The following L3MBTL4 variants were observed in gnomAD, a reference collection of about 807,000 sequenced individuals.
L3MBTL4 encodes lethal(3)malignant brain tumor-like protein 4.
In L3MBTL4, 70 loss-of-function variants were observed where a neutral mutation model predicts 84.5. The observed-to-expected ratio is 0.83, with a 90% CI of 0.68 to 1.01. The LOEUF (loss-of-function observed/expected upper bound fraction) is 1.01, where lower values mean the gene tolerates loss of function less well. Ranked by LOEUF, L3MBTL4 falls within the 50% of genes least tolerant of loss-of-function variation. The pLI, the probability that L3MBTL4 is intolerant of heterozygous loss-of-function variation, is 0.00. For synonymous variants in L3MBTL4, 274 were observed against 259.8 expected, an observed-to-expected ratio of 1.05 and a Z score of -0.52; for missense variants, 715 against 754.8, an observed-to-expected ratio of 0.95 and a Z score of 0.62.
intron 16 of L3MBTL4, among the ~76,000 whole-genome samples, chr18:6,039,291 G>A (rs1156743308): frequency 6.6e-6 from 1 of 152,076 alleles, no homozygotes; most frequent in Non-Finnish European, 1.5e-5. Flanking sequence ...AGGATTGCCT[G>A]TGATTAAAAC....
intron 12 of L3MBTL4, among the ~76,000 whole-genome samples, chr18:6,181,401 C>T (rs1212126063): frequency 6.6e-6 from 1 of 152,036 alleles, no homozygotes; most frequent in African/African-American, 2.4e-5. Flanking sequence ...TCTCAGCTCA[C>T]TGCAACCTCT....
chr18:6,184,547 T>C (rs1413342329), intron 12 of L3MBTL4, among the ~76,000 whole-genome samples: 2 of 152,252 alleles, frequency 1.3e-5, no homozygotes, highest in African/African-American at 4.8e-5. Context: ...ATTACCAACA[T>C]TGTTATTCAA....
rs551597611 is a variant in L3MBTL4, at chr18:6,323,277, C to CT, written c.-90-11222dup. Among the ~76,000 whole-genome samples the CT allele has an allele frequency of 3.4e-4, 52 of 152,168 alleles. No homozygotes were observed. In the Middle Eastern group the frequency reaches 0.024, roughly 70 times the overall value. On this transcript the variant is annotated intron_variant, in intron 1 of 18. Coordinates refer to ENST00000317931, the MANE Select transcript of L3MBTL4 (RefSeq NM_001330559.2). ...ATTCATACCAAGGAGTGGAGCATTG[C>CT]TATAGAGATACCTGAAAATGTGGAA...
intron 5 of L3MBTL4, among the ~76,000 whole-genome samples, chr18:6,261,841 G>T (rs1161116452): frequency 6.6e-6 from 1 of 152,174 alleles, no homozygotes; most frequent in Non-Finnish European, 1.5e-5. Context: ...GCTGAGATGT[G>T]GGGCAACACA....
chr18:6,384,433 G>A (rs1006462977), intron 1 of L3MBTL4, among the ~76,000 whole-genome samples: 7 of 152,108 alleles, frequency 4.6e-5, no homozygotes, highest in African/African-American at 1.7e-4. Context: ...GGAGAGTAAC[G>A]GGGTAGCCAG....
chr18:6,219,425 C>A, intron 10 of L3MBTL4, among the ~76,000 whole-genome samples: 1 of 149,416 alleles, frequency 6.7e-6, no homozygotes, highest in Non-Finnish European at 1.5e-5. Context: ...TCATTCCATG[C>A]CATTTTGAGT....
At chr18:6,196,892 T>A (rs921845395) in intron 12 of L3MBTL4, among the ~76,000 whole-genome samples, 21 of 152,248 alleles carry the variant, frequency 1.4e-4, no homozygotes, top group African/African-American at 5.1e-4. Flanking sequence ...CCTTTCCTTT[T>A]CAGGCTAGGT....
chr18:6,070,482 A>C (rs28377630), intron 16 of L3MBTL4, among the ~76,000 whole-genome samples: 1 of 151,170 alleles, frequency 6.6e-6, no homozygotes, highest in African/African-American at 2.5e-5. Flanking sequence ...GGGTGAAAAA[A>C]GGATATTTCT....
intron 1 of L3MBTL4, among the ~76,000 whole-genome samples, chr18:6,332,335 G>T (rs751138649): frequency 6.6e-6 from 1 of 152,090 alleles, no homozygotes; most frequent in Non-Finnish European, 1.5e-5. Context: ...GCTGCTCATA[G>T]AATACAATGC....
At position 5,991,487 on chromosome 18, in the gene L3MBTL4, G is replaced by A. The variant is rs117426912; in HGVS notation, c.1445-21925C>T. Among the ~76,000 whole-genome samples, 773 of 152,284 alleles carry A rather than the reference G, an allele frequency of 5.1e-3. 2 individuals carry two copies. The highest frequency in any genetic ancestry group is 8.6e-3 in the Non-Finnish European group (588 of 68,020). On this transcript the variant is annotated intron_variant, in intron 16 of 18. Coordinates refer to ENST00000317931, the MANE Select transcript of L3MBTL4 (RefSeq NM_001330559.2). ...TGACTCCCATCAAGTCACATGGCAG[G>A]TTGGTCACTTGCTACCTGGCATCTT...
At chr18:6,180,132 A>G (rs1264157796) in intron 12 of L3MBTL4, among the ~76,000 whole-genome samples, 1 of 152,182 alleles carries the variant, frequency 6.6e-6, no homozygotes, top group African/African-American at 2.4e-5. Context: ...AATGAGGGAT[A>G]TAGTCCAGAG....
chr18:6,170,644 C>G (rs1484730277), intron 13 of L3MBTL4, among the ~76,000 whole-genome samples: 1 of 151,978 alleles, frequency 6.6e-6, no homozygotes, highest in Non-Finnish European at 1.5e-5. Context: ...GAGAGCTGTC[C>G]CTGTATCTGC....
At chr18:6,353,268 C>T (rs2053283625) in intron 1 of L3MBTL4, among the ~76,000 whole-genome samples, 1 of 146,160 alleles carries the variant, frequency 6.8e-6, no homozygotes, top group Non-Finnish European at 1.5e-5. Flanking sequence ...TTTCAAGAGA[C>T]CATGATGAAA....
intron 14 of L3MBTL4, among the ~76,000 whole-genome samples, chr18:6,109,679 C>T (rs1441565674): frequency 6.6e-6 from 1 of 152,130 alleles, no homozygotes; most frequent in Non-Finnish European, 1.5e-5. Context: ...TGTCAGTGAG[C>T]TCACAGCCCC....
chr18:5,973,068 C>T (rs572968755), intron 16 of L3MBTL4, among the ~76,000 whole-genome samples: 1 of 152,272 alleles, frequency 6.6e-6, no homozygotes, highest in African/African-American at 2.4e-5. Context: ...TATTATGTTA[C>T]TGTTACAAGT....
At chr18:6,307,412 G>A (rs1038937077) in intron 3 of L3MBTL4, among the ~76,000 whole-genome samples, 2 of 146,978 alleles carry the variant, frequency 1.4e-5, no homozygotes, top group Admixed American at 6.9e-5. Context: ...ACTCCAGCCT[G>A]GTGACAGAGC....
chr18:6,386,890 A>G (rs1198347281), intron 1 of L3MBTL4, among the ~76,000 whole-genome samples: 1 of 152,322 alleles, frequency 6.6e-6, no homozygotes, highest in East Asian at 1.9e-4. Flanking sequence ...TAGGAAGAGA[A>G]GAAAGCACTT....
chr18:6,235,259 G>A (rs1256370387), intron 10 of L3MBTL4, among the ~76,000 whole-genome samples: 4 of 152,142 alleles, frequency 2.6e-5, no homozygotes, highest in African/African-American at 7.2e-5. Flanking sequence ...CATGGCACAT[G>A]TATACATACG....
intron 16 of L3MBTL4, among the ~76,000 whole-genome samples, chr18:5,996,291 T>G (rs1481570291): frequency 6.6e-6 from 1 of 152,108 alleles, no homozygotes; most frequent in Non-Finnish European, 1.5e-5. Context: ...CAGACGATCT[T>G]GATGTTAGTT....
Sources: allele counts gnomAD v4.1 joint callset (sites outside exome capture counted in the v4.1 genomes callset), GRCh38; gene constraint gnomAD v4.1.1; transcripts MANE v1.5; gene names NCBI Gene and HGNC (gene_info 2026-07-23, HGNC 2026-07-21).